Variants in MYO1D observed in about 807,000 individuals in gnomAD.
MYO1D encodes unconventional myosin-Id.
In MYO1D, 83 loss-of-function variants were observed where a neutral mutation model predicts 122.0. The observed-to-expected ratio is 0.68, with a 90% CI of 0.57 to 0.82. MYO1D has a LOEUF of 0.82. Ranked by LOEUF, MYO1D falls within the 40% of genes least tolerant of loss-of-function variation. MYO1D has a pLI of 0.00. For synonymous variants in MYO1D, 464 were observed against 446.9 expected, an observed-to-expected ratio of 1.04 and a Z score of -0.48; for missense variants, 1,157 against 1,269.5, an observed-to-expected ratio of 0.91 and a Z score of 1.35.
chr17:32,552,911 G>A (rs773004087), intron 21 of MYO1D, among the ~76,000 whole-genome samples: 2 of 152,006 alleles, frequency 1.3e-5, no homozygotes, highest in Non-Finnish European at 2.9e-5. Flanking sequence ...ATGAAAAACA[G>A]CATCAACCAT....
At chr17:32,813,243 C>T (rs532151252) in intron 1 of MYO1D, among the ~76,000 whole-genome samples, 5 of 152,304 alleles carry the variant, frequency 3.3e-5, no homozygotes, top group South Asian at 4.1e-4. Flanking sequence ...CTAAGCAATA[C>T]GCCAAGGGCT....
chr17:32,509,729 T>C (rs58609822), intron 21 of MYO1D, among the ~76,000 whole-genome samples: 10,478 of 152,054 alleles, frequency 0.069, 1,165 homozygotes, highest in African/African-American at 0.24. Context: ...GCTGGGACTA[T>C]AGGCGTGCGC....
chr17:32,602,389 C>T (rs551629744), intron 21 of MYO1D, among the ~76,000 whole-genome samples: 1 of 152,246 alleles, frequency 6.6e-6, no homozygotes, highest in African/African-American at 2.4e-5. Flanking sequence ...TAGAAATATA[C>T]ATGAGCTTTG....
intron 1 of MYO1D, among the ~76,000 whole-genome samples, chr17:32,826,854 C>T (rs895423897): frequency 6.6e-6 from 1 of 151,984 alleles, no homozygotes; most frequent in Admixed American, 6.5e-5. Flanking sequence ...AAAACATATA[C>T]ATATATATAT....
intron 1 of MYO1D, among the ~76,000 whole-genome samples, chr17:32,791,840 C>T (rs2090355456): frequency 2.0e-5 from 3 of 152,130 alleles, no homozygotes; most frequent in African/African-American, 7.2e-5. Context: ...TAAATGAATA[C>T]ACAGTGAAAA....
At chr17:32,686,195 G>C (rs2089003928) in intron 16 of MYO1D, 2 of 152,162 alleles carry the variant, frequency 1.3e-5, no homozygotes, top group Admixed American at 1.3e-4. Flanking sequence ...AGGATTTTGA[G>C]ATGGGCAGAT....
intron 20 of MYO1D, among the ~76,000 whole-genome samples, chr17:32,607,400 A>C (rs1351009545): frequency 1.3e-5 from 2 of 152,202 alleles, no homozygotes; most frequent in East Asian, 3.8e-4. Context: ...CAACTCCAAA[A>C]ACAAAAATAC....
intron 14 of MYO1D, among the ~76,000 whole-genome samples, chr17:32,729,860 T>C (rs1223250701): frequency 6.6e-6 from 1 of 152,218 alleles, no homozygotes; most frequent in Non-Finnish European, 1.5e-5. Context: ...CTACAGGCCC[T>C]GAAATGGGAT....
At chr17:32,632,688 A>G (rs1482163213) in intron 20 of MYO1D, among the ~76,000 whole-genome samples, 1 of 151,660 alleles carries the variant, frequency 6.6e-6, no homozygotes, top group Non-Finnish European at 1.5e-5. Flanking sequence ...TCCTTTTACC[A>G]TCATCCCCCG....
intron 1 of MYO1D, among the ~76,000 whole-genome samples, chr17:32,815,846 T>G (rs1016116507): frequency 7.2e-5 from 11 of 152,252 alleles, no homozygotes; most frequent in African/African-American, 2.7e-4. Context: ...TAGGTACATT[T>G]TCCTATGTAA....
chr17:32,743,639 A>G (rs958250535), intron 13 of MYO1D, among the ~76,000 whole-genome samples: 5 of 150,434 alleles, frequency 3.3e-5, no homozygotes, highest in African/African-American at 1.2e-4. Flanking sequence ...TTATTTTGAG[A>G]CAGAGTCTCA....
At chr17:32,598,818 A>G (rs1032919792) in intron 21 of MYO1D, among the ~76,000 whole-genome samples, 3 of 152,234 alleles carry the variant, frequency 2.0e-5, no homozygotes, top group Non-Finnish European at 4.4e-5. Flanking sequence ...TAAGCAAACT[A>G]TAACAGAGAA....
intron 14 of MYO1D, among the ~76,000 whole-genome samples, chr17:32,737,463 C>T (rs1335610829): frequency 2.6e-5 from 4 of 151,724 alleles, no homozygotes; most frequent in Non-Finnish European, 4.4e-5. Flanking sequence ...CAGGCTCAAG[C>T]GATCCTCCCA....
intron 20 of MYO1D, among the ~76,000 whole-genome samples, chr17:32,612,696 C>CAAAAAAA (rs1158470135): frequency 5.7e-5 from 6 of 104,616 alleles, no homozygotes; most frequent in Non-Finnish European, 7.4e-5. Flanking sequence ...AAAAAAAAAA[C>CAAAAAAA]AAAAAAAAAA....
At chr17:32,799,531 A>G (rs577297879) in intron 1 of MYO1D, among the ~76,000 whole-genome samples, 1 of 152,212 alleles carries the variant, frequency 6.6e-6, no homozygotes. Flanking sequence ...AGAAGAATCA[A>G]TTAAAAATGG....
chr17:32,692,307 G>A (rs1297610308), intron 16 of MYO1D, among the ~76,000 whole-genome samples: 1 of 152,192 alleles, frequency 6.6e-6, no homozygotes, highest in Non-Finnish European at 1.5e-5. Context: ...ATATACATTT[G>A]CTATAGCAAG....
chr17:32,738,161 T>C (rs2089729241), intron 14 of MYO1D, 92 bp downstream of exon 14: 2 of 1,110,262 alleles, frequency 1.8e-6, no homozygotes, highest in African/African-American at 1.6e-5. Flanking sequence ...TCTACATGAT[T>C]ACCTAAAAAG....
At chr17:32,752,628 T>C (rs1368086724) in intron 11 of MYO1D, among the ~76,000 whole-genome samples, 2 of 152,126 alleles carry the variant, frequency 1.3e-5, no homozygotes, top group African/African-American at 4.8e-5. Context: ...CAGGTATTTT[T>C]CAAAAGAAGA....
rs1304557568 is a variant in MYO1D at position 32,695,769 on chromosome 17, T to A, written c.2121+16219A>T. ...AGAATAAAAGCTTTCATACATTTCT[T>A]GGTGAGCATAAACTGGTACAATTAT... On this transcript the variant is annotated intron_variant, in intron 16 of 21. Coordinates refer to ENST00000318217, the MANE Select transcript of MYO1D (RefSeq NM_015194.3). Among the ~76,000 whole-genome samples, 6 of 152,228 alleles carry A rather than the reference T, an allele frequency of 3.9e-5. No homozygotes were observed. The East Asian group carries it at 7.7e-4, about 19-fold the overall frequency.
Sources: allele counts gnomAD v4.1 joint callset (sites outside exome capture counted in the v4.1 genomes callset), GRCh38; gene constraint gnomAD v4.1.1; transcripts MANE v1.5; gene names NCBI Gene and HGNC (gene_info 2026-07-23, HGNC 2026-07-21).